OTOGL: variants seen among roughly 807,000 people sequenced by gnomAD.
OTOGL encodes the protein otogelin-like protein.
Under a neutral mutation model 318.5 loss-of-function variants are expected in OTOGL, and 285 were observed. That is an observed-to-expected ratio of 0.89 (90% CI 0.81 to 0.99). OTOGL has a LOEUF of 0.99. Among genes scored for constraint, OTOGL ranks in the 50% least tolerant of loss-of-function variants. OTOGL has a pLI of 0.00. For synonymous variants in OTOGL, 987 were observed against 936.5 expected, an observed-to-expected ratio of 1.05 and a Z score of -0.99; for missense variants, 2,899 against 2,845.6, an observed-to-expected ratio of 1.02 and a Z score of -0.43.
intron 1 of OTOGL, among the ~76,000 whole-genome samples, chr12:80,155,697 C>T (rs1873069686): frequency 6.6e-6 from 1 of 152,216 alleles, no homozygotes; most frequent in Non-Finnish European, 1.5e-5. Context: ...TGTGCTATCA[C>T]ATACTAGGTG....
intron 1 of OTOGL, among the ~76,000 whole-genome samples, chr12:80,199,879 A>G (rs1565897172): frequency 6.6e-6 from 1 of 152,196 alleles, no homozygotes; most frequent in Non-Finnish European, 1.5e-5. Context: ...AATGAATCTC[A>G]ATTGCTTACA....
chr12:80,313,220 G>A (rs1886751208), intron 30 of OTOGL, among the ~76,000 whole-genome samples: 1 of 151,942 alleles, frequency 6.6e-6, no homozygotes, highest in Admixed American at 6.6e-5. Context: ...AAATTAATCT[G>A]TTATATTGCA....
chr12:80,323,312 T>C (rs922662549), intron 34 of OTOGL, among the ~76,000 whole-genome samples: 14 of 152,138 alleles, frequency 9.2e-5, no homozygotes, highest in African/African-American at 3.4e-4. Flanking sequence ...TGTAGCATTG[T>C]AGTCAAAGAA....
At chr12:80,300,205 T>G (rs1174627925) in intron 27 of OTOGL, among the ~76,000 whole-genome samples, 1 of 141,350 alleles carries the variant, frequency 7.1e-6, no homozygotes. Context: ...GTGTCGTGGT[T>G]TTTTTTTTTT....
rs189541855 is a variant in OTOGL at position 80,163,961 on chromosome 12, G to A, written c.-19-45452G>A. On this transcript the variant is annotated intron_variant, in intron 1 of 58. Coordinates refer to ENST00000547103, the MANE Select transcript of OTOGL (RefSeq NM_001378609.3). ...ACAAAGGCCACAGATAAAAGGGGAG[G>A]CTATGAAGAATTGAGGCCAATAATC... Among the ~76,000 whole-genome samples the A allele has an allele frequency of 1.7e-3, 259 of 152,242 alleles. 1 individual carries two copies. The highest frequency in any genetic ancestry group is 5.8e-3 in the African/African-American group (242 of 41,556).
chr12:80,211,975 A>C lies in OTOGL; in HGVS notation c.146A>C (p.Lys49Thr). ...AACGGGTTTAATGAAAATCGACAGA[A>C]AAGAGCTCTTTTAGCAGCACAGGTA... ...SKNGFNENRQ[K>T]RALLAAQFEA... The change falls in exon 4 of 59, where the codon AAA (lysine) becomes ACA (threonine). Residue 49 changes from lysine to threonine, a missense_variant. This residue lies in a region of OTOGL where 2,607 missense variants were observed against 2,524.9 expected (regional missense o/e 1.03). Transcript: ENST00000547103. 6.3e-7 allele frequency: 1 copy of C among 1,577,754 alleles called. No homozygotes were observed. Among genetic ancestry groups the C allele is most frequent in the Non-Finnish European group, 8.6e-7 (1 of 1,168,516 alleles).
intron 1 of OTOGL, among the ~76,000 whole-genome samples, chr12:80,104,614 CA>C (rs1268749992): frequency 6.6e-6 from 1 of 151,860 alleles, no homozygotes; most frequent in Non-Finnish European, 1.5e-5. Flanking sequence ...GAGAGCATGT[CA>C]GGGGGGTGAG....
chr12:80,216,754 G>A (rs1455330598), intron 4 of OTOGL, among the ~76,000 whole-genome samples: 1 of 152,112 alleles, frequency 6.6e-6, no homozygotes, highest in South Asian at 2.1e-4. Flanking sequence ...ACGGAGTCAG[G>A]ATTCTAATCC....
At position 80,236,365 on chromosome 12, in the gene OTOGL, G is replaced by A. The variant is rs1040338160; in HGVS notation, c.818-2486G>A. 6.6e-5 allele frequency among the ~76,000 whole-genome samples: 10 copies of A among 152,108 alleles called. No homozygotes were observed. In the South Asian group the frequency reaches 1.5e-3, roughly 22 times the overall value. On this transcript the variant is annotated intron_variant, in intron 9 of 58. Transcript: ENST00000547103. ...CTACTTAGAGCATATTTTATACAAAGCATTTTAATTTTAGTTTAGCAGGCT... is the reference window on the plus strand; with the variant it reads ...CTACTTAGAGCATATTTTATACAAAACATTTTAATTTTAGTTTAGCAGGCT...
At chr12:80,336,230 C>T in intron 39 of OTOGL, 90 bp downstream of exon 39, 1 of 1,376,198 alleles carries the variant, frequency 7.3e-7, no homozygotes, top group Non-Finnish European at 9.5e-7. Flanking sequence ...CCTCATCAAG[C>T]CAAAGTTACT....
chr12:80,124,748 C>T (rs1293659006), intron 1 of OTOGL, among the ~76,000 whole-genome samples: 1 of 151,870 alleles, frequency 6.6e-6, no homozygotes, highest in Non-Finnish European at 1.5e-5. Context: ...TGAAGAGGTC[C>T]TTCACATCCC....
chr12:80,251,384 A>C (rs1432528635), intron 11 of OTOGL, among the ~76,000 whole-genome samples: 3 of 152,200 alleles, frequency 2.0e-5, no homozygotes, highest in Non-Finnish European at 4.4e-5. Context: ...GATTATGGGG[A>C]AAATGTTATA....
chr12:80,308,602 A>G (rs946159345), intron 29 of OTOGL, among the ~76,000 whole-genome samples: 1 of 152,074 alleles, frequency 6.6e-6, no homozygotes, highest in Non-Finnish European at 1.5e-5. Context: ...GCACTTTGGG[A>G]GGCCAAGGCA....
intron 1 of OTOGL, among the ~76,000 whole-genome samples, chr12:80,114,234 T>C (rs1354344288): frequency 6.6e-6 from 1 of 152,188 alleles, no homozygotes; most frequent in East Asian, 1.9e-4. Context: ...TTGGTTTGTT[T>C]TTGCAGTGGC....
chr12:80,313,103 G>A (rs1386808965), intron 30 of OTOGL, among the ~76,000 whole-genome samples: 1 of 152,048 alleles, frequency 6.6e-6, no homozygotes, highest in Admixed American at 6.5e-5. Context: ...AAAAAAGAAA[G>A]GAAAGAAGGA....
chr12:80,179,460 C>T (rs1463805208), intron 1 of OTOGL, among the ~76,000 whole-genome samples: 1 of 152,076 alleles, frequency 6.6e-6, no homozygotes, highest in East Asian at 1.9e-4. Context: ...AAATAAGGAA[C>T]CTAAAATTAA....
intron 1 of OTOGL, among the ~76,000 whole-genome samples, chr12:80,159,977 C>T (rs1592506049): frequency 1.3e-5 from 2 of 151,880 alleles, no homozygotes; most frequent in South Asian, 4.1e-4. Context: ...TTTGACAAAG[C>T]CAATGGCATA....
intron 1 of OTOGL, among the ~76,000 whole-genome samples, chr12:80,155,689 T>C (rs943222025): frequency 6.6e-6 from 1 of 152,262 alleles, no homozygotes; most frequent in African/African-American, 2.4e-5. Flanking sequence ...CACCCTGTTG[T>C]GCTATCACAT....
chr12:80,192,757 CA>C, intron 1 of OTOGL, among the ~76,000 whole-genome samples: 1 of 151,186 alleles, frequency 6.6e-6, no homozygotes, highest in South Asian at 2.1e-4. Flanking sequence ...GAAATACCGT[CA>C]AATTAAAAAA....
Sources: allele counts gnomAD v4.1 joint callset (sites outside exome capture counted in the v4.1 genomes callset), GRCh38; gene constraint gnomAD v4.1.1; regional missense constraint gnomAD v4.1.1; transcripts MANE v1.5; gene names NCBI Gene and HGNC (gene_info 2026-07-23, HGNC 2026-07-21).